Variants in NDUFB6 observed in about 807,000 individuals in gnomAD.
NDUFB6 encodes the protein NADH dehydrogenase [ubiquinone] 1 beta subcomplex subunit 6.
In NDUFB6, 23 loss-of-function variants were observed where a neutral mutation model predicts 17.5. That is an observed-to-expected ratio of 1.31 (90% CI 0.94 to 1.86). The LOEUF (loss-of-function observed/expected upper bound fraction) is 1.86, where lower values mean the gene tolerates loss of function less well. NDUFB6 is among the 40% of genes most tolerant of loss of function. The probability of loss-of-function intolerance (pLI) is 0.00; values close to 1 mark genes in which losing one functional copy is unlikely to be tolerated. For synonymous variants in NDUFB6, 60 were observed against 53.5 expected, an observed-to-expected ratio of 1.12 and a Z score of -0.53; for missense variants, 167 against 153.8, an observed-to-expected ratio of 1.09 and a Z score of -0.46.
chr9:32,567,454 C>A (rs557313640), intron 2 of NDUFB6: 19 of 447,758 alleles, frequency 4.2e-5, no homozygotes, highest in Non-Finnish European at 8.5e-5. Flanking sequence ...TCAGCCTCCC[C>A]AGTAGCTGGG....
chr9:32,555,971 G>A lies in NDUFB6; in HGVS notation c.319-2027C>T, dbSNP rs576799131. 1.4e-4 allele frequency among the ~76,000 whole-genome samples: 22 copies of A among 152,352 alleles called. 1 individual carries two copies. In the South Asian group the frequency reaches 4.3e-3, roughly 30 times the overall value. ...ATTCTACCACTGAACAATGGGTGTG[G>A]TTGGGGGACAAGGATACAGTTAACT... On this transcript the variant is annotated intron_variant, in intron 3 of 3. Transcript: ENST00000379847.
intron 2 of NDUFB6, among the ~76,000 whole-genome samples, chr9:32,564,622 C>T (rs1821726084): frequency 6.6e-6 from 1 of 151,902 alleles, no homozygotes; most frequent in South Asian, 2.1e-4. Flanking sequence ...TAATCCAGTC[C>T]CACCCCCATG....
chr9:32,566,020 A>T, intron 2 of NDUFB6: 1 of 330,244 alleles, frequency 3.0e-6, no homozygotes, highest in Non-Finnish European at 5.6e-6. Flanking sequence ...CTGAAATCAG[A>T]TTTGCCGGAA....
chr9:32,567,372 T>C (rs1044161721), intron 2 of NDUFB6: 14 of 467,454 alleles, frequency 3.0e-5, no homozygotes, highest in Non-Finnish European at 5.3e-5. Flanking sequence ...AGTCTCGCTC[T>C]GTCACCCAGG....
intron 3 of NDUFB6, among the ~76,000 whole-genome samples, chr9:32,558,634 C>CA (rs1481125585): frequency 6.6e-6 from 1 of 152,212 alleles, no homozygotes; most frequent in South Asian, 2.1e-4. Flanking sequence ...TTGGTACTTT[C>CA]AACTCCCTTT....
In NDUFB6 at chr9:32,553,604, A is replaced by AAAAC. The variant is rs1212948660; in HGVS notation, c.*268_*271dup. 4 of 386,180 alleles carry AAAAC rather than the reference A, an allele frequency of 1.0e-5. No individual in the cohort carries two copies. The highest frequency in any genetic ancestry group is 2.1e-5 in the African/African-American group (1 of 48,320). The allele number at this position is 386,180 out of a possible 1,614,324, so 23.9% of individuals were successfully genotyped here. A position where few individuals can be genotyped will look rare whatever the true frequency, so the allele number is the denominator to read the frequency against. On this transcript the variant is annotated 3_prime_UTR_variant, in exon 4 of 4. Coordinates refer to ENST00000379847, the MANE Select transcript of NDUFB6 (RefSeq NM_002493.5). Reference sequence around the variant, plus strand: ...ATTAGTGTAAGTACTGTGTAAGAAAAAAACAAACAAACATGTAACTAAATA... The same window carrying AAAAC: ...ATTAGTGTAAGTACTGTGTAAGAAAAAAACAAACAAACAAACATGTAACTAAATA...
In NDUFB6 at chr9:32,560,168, T is replaced by C. The variant is rs1417203972; in HGVS notation, c.274-1214A>G. ...CTGAAGCAAACTGGTTGCAATCTTA[T>C]TGAAGATGCAATCCTTTACCTACCA... On this transcript the variant is annotated intron_variant, in intron 2 of 3. Transcript: ENST00000379847. Among the ~76,000 whole-genome samples, 9 of 152,338 alleles carry C rather than the reference T, an allele frequency of 5.9e-5. No individual in the cohort carries two copies. In the East Asian group the frequency reaches 9.6e-4, roughly 16 times the overall value.
At chr9:32,557,450 T>C (rs1821496934) in intron 3 of NDUFB6, among the ~76,000 whole-genome samples, 1 of 151,268 alleles carries the variant, frequency 6.6e-6, no homozygotes, top group Non-Finnish European at 1.5e-5. Flanking sequence ...ATTACAGGCA[T>C]GAGCCCCCGA....
chr9:32,572,860 C>A, intron 1 of NDUFB6, 21 bp downstream of exon 1: 1 of 1,537,848 alleles, frequency 6.5e-7, no homozygotes, highest in South Asian at 1.2e-5. Flanking sequence ...TTGGGGGGGA[C>A]CGGAGAGGTC....
chr9:32,555,095 C>CAAA (rs11391859), intron 3 of NDUFB6, among the ~76,000 whole-genome samples: 1 of 138,542 alleles, frequency 7.2e-6, no homozygotes. Context: ...TGTTCCTGAC[C>CAAA]AAAAAAAAAA....
At position 32,573,018 on chromosome 9, in the gene NDUFB6, G is replaced by C; in HGVS notation, c.43C>G (p.Leu15Val). Residue 15 changes from leucine (L) to valine (V), a missense_variant, in exon 1 of 4, where the codon CTG becomes GTG. Transcript: ENST00000379847. Reference sequence around the variant, plus strand: ...AGCCATCGCCTTCTCAGCTCTCGCAGCTGCTGCAGCCGCAGTTTCTCATCC... The same window carrying C: ...AGCCATCGCCTTCTCAGCTCTCGCACCTGCTGCAGCCGCAGTTTCTCATCC... ...TPDEKLRLQQ[L>V]RELRRRWLKD... 3 of 1,602,518 alleles carry C rather than the reference G, an allele frequency of 1.9e-6. No homozygotes were observed. The highest frequency in any genetic ancestry group is 2.6e-6 in the Non-Finnish European group (3 of 1,174,048).
chr9:32,572,748 C>G, intron 1 of NDUFB6, 133 bp downstream of exon 1: 2 of 752,128 alleles, frequency 2.7e-6, no homozygotes, highest in Non-Finnish European at 4.0e-6. Context: ...GGAGGACTCT[C>G]GGGACTGGCC....
chr9:32,566,222 T>C (rs1821784669), intron 2 of NDUFB6: 2 of 857,732 alleles, frequency 2.3e-6, no homozygotes, highest in East Asian at 4.8e-5. Flanking sequence ...AGGTCATAGC[T>C]GGTTTTGTGG....
chr9:32,554,925 G>A (rs1821413880), intron 3 of NDUFB6, among the ~76,000 whole-genome samples: 1 of 152,112 alleles, frequency 6.6e-6, no homozygotes, highest in Non-Finnish European at 1.5e-5. Context: ...AGAAGTAGCT[G>A]GGAAAAAAAG....
At position 32,572,980 on chromosome 9, in the gene NDUFB6, C is replaced by T. The variant is rs759296820; in HGVS notation, c.81G>A (p.Glu27=). 1.2e-6 allele frequency: 2 copies of T among 1,612,098 alleles called. No homozygotes were observed. The highest frequency in any genetic ancestry group is 8.5e-7 in the Non-Finnish European group (1 of 1,178,974). ...ELRRRWLKDQ[E]LSPREPVLPP... ...GCAGCACCGGCTCCCGAGGGCTCAG[C>T]TCCTGGTCCTTCAGCCATCGCCTTC... Residue 27 remains glutamate (E), a synonymous_variant, in exon 1 of 4, where the codon GAG becomes GAA. Transcript: ENST00000379847.
intron 2 of NDUFB6, chr9:32,567,397 T>C (rs1195950893): frequency 4.3e-6 from 2 of 463,606 alleles, no homozygotes; most frequent in South Asian, 1.6e-5. Flanking sequence ...GGTGCGATCT[T>C]GGCTCACTGC....
intron 3 of NDUFB6, among the ~76,000 whole-genome samples, chr9:32,554,674 AAT>A (rs1300111554): frequency 1.3e-5 from 2 of 152,336 alleles, no homozygotes; most frequent in African/African-American, 2.4e-5. Context: ...TGAAAAAATA[AAT>A]ATGTTTATGC....
intron 2 of NDUFB6, among the ~76,000 whole-genome samples, chr9:32,562,185 C>T (rs1821644795): frequency 6.6e-6 from 1 of 152,158 alleles, no homozygotes. Context: ...AACTTTTTTC[C>T]TCCGTACTCT....
chr9:32,556,128 C>G (rs886774116), intron 3 of NDUFB6, among the ~76,000 whole-genome samples: 3 of 152,136 alleles, frequency 2.0e-5, no homozygotes, highest in African/African-American at 7.2e-5. Context: ...GGATTTCTCC[C>G]TAAGGAGAGA....
Sources: gnomAD v4.1 joint callset for allele counts (sites outside exome capture counted in the v4.1 genomes callset) on GRCh38, gnomAD v4.1.1 for gene constraint, MANE v1.5 for transcripts, NCBI Gene and HGNC (gene_info 2026-07-23, HGNC 2026-07-21) for gene names.